The following CDS1 variants were observed in gnomAD, a reference collection of about 807,000 sequenced individuals.
The protein encoded by CDS1 is CDP-diacylglycerol synthase 1, also known as phosphatidate cytidylyltransferase 1.
Under a neutral mutation model 62.1 loss-of-function variants are expected in CDS1, and 41 were observed. The ratio of observed to expected loss-of-function variants is 0.66; its 90% CI spans 0.51 to 0.86. CDS1 has a LOEUF of 0.86. CDS1 is among the 40% of genes least tolerant of loss of function. The probability of loss-of-function intolerance (pLI) is 0.00; values close to 1 mark genes in which losing one functional copy is unlikely to be tolerated. For missense variants in CDS1, 470 were observed against 550.1 expected (o/e 0.85, Z 1.46); for synonymous variants, 185 against 192.6 (o/e 0.96, Z 0.32).
intron 12 of CDS1, 122 bp downstream of exon 12, chr4:84,645,447 G>A: frequency 1.6e-6 from 1 of 631,250 alleles, no homozygotes. Flanking sequence ...GTGAATGGTG[G>A]CCCCTGGAAT....
intron 3 of CDS1, among the ~76,000 whole-genome samples, chr4:84,610,760 A>G (rs1723293804): frequency 6.6e-6 from 1 of 152,186 alleles, no homozygotes; most frequent in Non-Finnish European, 1.5e-5. Flanking sequence ...CCAGTTGCCA[A>G]CGGTATTCAG....
intron 5 of CDS1, among the ~76,000 whole-genome samples, chr4:84,624,283 A>AAAAC (rs1473562888): frequency 2.1e-5 from 3 of 143,776 alleles, no homozygotes; most frequent in African/African-American, 5.3e-5. Flanking sequence ...CAAAAAAAAA[A>AAAAC]AAACAAACAA....
At chr4:84,635,210 ACTTACTCAG>A (rs1724140873) in intron 7 of CDS1, 45 bp from the exon 8 acceptor site, 17 of 851,358 alleles carry the variant, frequency 2.0e-5, no homozygotes, top group Middle Eastern at 3.0e-4. Flanking sequence ...AATATCTGCC[ACTTACTCAG>A]GTGAACTTTT....
intron 8 of CDS1, among the ~76,000 whole-genome samples, chr4:84,635,563 GACT>G (rs1374502962): frequency 7.2e-6 from 1 of 138,356 alleles, no homozygotes; most frequent in East Asian, 2.2e-4. Flanking sequence ...GGAAGGGCAT[GACT>G]CCATCAGTCT....
chr4:84,643,221 A>T, intron 11 of CDS1, 78 bp downstream of exon 11: 1 of 1,430,242 alleles, frequency 7.0e-7, no homozygotes, highest in Non-Finnish European at 9.7e-7. Flanking sequence ...TGGTCCGCTC[A>T]TGATCTACAT....
chr4:84,622,305 C>T (rs13110728), intron 5 of CDS1, among the ~76,000 whole-genome samples: 51,493 of 151,996 alleles, frequency 0.34, 8,934 homozygotes, highest in East Asian at 0.49. Flanking sequence ...AAAACAACTG[C>T]GGGCCAGGTG....
chr4:84,621,207 T>C (rs1578038992), intron 5 of CDS1, among the ~76,000 whole-genome samples: 1 of 152,378 alleles, frequency 6.6e-6, no homozygotes, highest in African/African-American at 2.4e-5. Context: ...TGAAGTTTGT[T>C]TGTGAGTTTT....
chr4:84,613,148 A>C (rs1458806415), intron 3 of CDS1, among the ~76,000 whole-genome samples: 1 of 152,100 alleles, frequency 6.6e-6, no homozygotes, highest in African/African-American at 2.4e-5. Flanking sequence ...TGATTCACAC[A>C]TATAGTTGGT....
intron 1 of CDS1, among the ~76,000 whole-genome samples, chr4:84,593,639 G>A (rs779005679): frequency 6.6e-6 from 1 of 151,988 alleles, no homozygotes; most frequent in Non-Finnish European, 1.5e-5. Context: ...TGAGTAGCTG[G>A]TATTACAGGC....
intron 12 of CDS1, among the ~76,000 whole-genome samples, chr4:84,646,725 C>G (rs1401640100): frequency 6.6e-6 from 1 of 152,092 alleles, no homozygotes; most frequent in East Asian, 1.9e-4. Flanking sequence ...GCTCCATGGG[C>G]AAAGGTGTAT....
At chr4:84,625,763 G>A (rs1040398057) in intron 5 of CDS1, among the ~76,000 whole-genome samples, 3 of 151,814 alleles carry the variant, frequency 2.0e-5, no homozygotes, top group African/African-American at 7.2e-5. Context: ...AATGAAGTAG[G>A]TTGGGAGACA....
At chr4:84,607,026 A>C (rs1169222762) in intron 2 of CDS1, among the ~76,000 whole-genome samples, 2 of 152,180 alleles carry the variant, frequency 1.3e-5, no homozygotes, top group African/African-American at 4.8e-5. Flanking sequence ...ACTCATTTTT[A>C]GTTCTGCCTC....
chr4:84,617,744 A>T (rs1011071090), intron 4 of CDS1, 83 bp downstream of exon 4: 9 of 611,242 alleles, frequency 1.5e-5, no homozygotes, highest in Non-Finnish European at 2.6e-5. Context: ...GTCAGTATCC[A>T]CTCAATTTAC....
chr4:84,586,001 A>T (rs1348536056), intron 1 of CDS1, among the ~76,000 whole-genome samples: 1 of 152,188 alleles, frequency 6.6e-6, no homozygotes, highest in African/African-American at 2.4e-5. Flanking sequence ...GGGAATGAAA[A>T]GATTCCTGGG....
chr4:84,638,236 C>G (rs372387520), intron 8 of CDS1, among the ~76,000 whole-genome samples: 1 of 152,154 alleles, frequency 6.6e-6, no homozygotes, highest in Non-Finnish European at 1.5e-5. Flanking sequence ...CATGAATGGT[C>G]CATTGACTGG....
chr4:84,640,125 TTATA>T (rs927570954), intron 9 of CDS1, among the ~76,000 whole-genome samples: 9 of 147,646 alleles, frequency 6.1e-5, no homozygotes, highest in Admixed American at 5.5e-4. Flanking sequence ...CTATATGAAA[TTATA>T]TATATATAAT....
intron 5 of CDS1, among the ~76,000 whole-genome samples, chr4:84,623,091 C>T (rs1326958236): frequency 6.6e-6 from 1 of 152,162 alleles, no homozygotes; most frequent in African/African-American, 2.4e-5. Context: ...ATATCAATTG[C>T]CTTTTTTCAT....
intron 1 of CDS1, among the ~76,000 whole-genome samples, chr4:84,590,051 T>C (rs963105173): frequency 3.3e-5 from 5 of 152,218 alleles, no homozygotes; most frequent in African/African-American, 1.2e-4. Flanking sequence ...GACCTTGTGA[T>C]CTGCCCGCCT....
At chr4:84,584,563 G>T (rs1326675743) in intron 1 of CDS1, among the ~76,000 whole-genome samples, 3 of 152,178 alleles carry the variant, frequency 2.0e-5, no homozygotes, top group Admixed American at 2.0e-4. Flanking sequence ...GGTTTATGTG[G>T]TTGCTGAGAC....
Sources: gnomAD v4.1 joint callset for allele counts (sites outside exome capture counted in the v4.1 genomes callset) on GRCh38, gnomAD v4.1.1 for gene constraint, MANE v1.5 for transcripts, NCBI Gene and HGNC (gene_info 2026-07-23, HGNC 2026-07-21) for gene names.